COLEC10: variants seen among roughly 807,000 people sequenced by gnomAD.
COLEC10 encodes the protein collectin-10.
COLEC10 carries 22 observed loss-of-function variants against 28.4 expected under a neutral mutation model. The observed-to-expected ratio is 0.78, with a 90% CI of 0.55 to 1.11. COLEC10 has a LOEUF of 1.11. Among genes scored for constraint, COLEC10 ranks in the 50% least tolerant of loss-of-function variants. The pLI is 0.00. For synonymous variants in COLEC10, 125 were observed against 116.1 expected, an observed-to-expected ratio of 1.08 and a Z score of -0.49; for missense variants, 361 against 344.1, an observed-to-expected ratio of 1.05 and a Z score of -0.39.
At chr8:118,987,411 A>C in the COLEC10 span, among the ~76,000 whole-genome samples, 1 of 152,078 alleles carries the variant, frequency 6.6e-6, no homozygotes, top group Admixed American at 6.6e-5. Flanking sequence ...TGAAAACACA[A>C]ACATTAGCCA....
chr8:118,953,726 G>C, the COLEC10 span, among the ~76,000 whole-genome samples: 1 of 152,142 alleles, frequency 6.6e-6, no homozygotes, highest in Non-Finnish European at 1.5e-5. Flanking sequence ...TCAGCACAAT[G>C]CCTGGCCCAT....
intron 3 of COLEC10, among the ~76,000 whole-genome samples, chr8:119,098,413 T>G (rs917204446): frequency 2.0e-5 from 3 of 152,072 alleles, no homozygotes; most frequent in Admixed American, 6.6e-5. Context: ...TAATTCCTCC[T>G]TTAAGGCTCA....
At chr8:118,997,112 C>T (rs1446432856) in intron 1 of COLEC10, among the ~76,000 whole-genome samples, 1 of 152,162 alleles carries the variant, frequency 6.6e-6, no homozygotes. Flanking sequence ...CTATTTAAAT[C>T]CTTTGCCCAT....
At chr8:119,074,392 C>T (rs1217454439) in intron 1 of COLEC10, among the ~76,000 whole-genome samples, 2 of 151,700 alleles carry the variant, frequency 1.3e-5, no homozygotes, top group Non-Finnish European at 2.9e-5. Context: ...CTCATGCACC[C>T]CATAAATGTA....
chr8:119,062,539 G>A (rs1000474652), upstream of COLEC10, among the ~76,000 whole-genome samples: 4 of 151,908 alleles, frequency 2.6e-5, no homozygotes, highest in African/African-American at 7.3e-5. Context: ...CAGTGTAGTG[G>A]CATGATCTTG....
the COLEC10 span, among the ~76,000 whole-genome samples, chr8:118,989,325 G>C: frequency 3.1e-3 from 464 of 152,124 alleles, 16 homozygotes; most frequent in East Asian, 6.8e-3. Flanking sequence ...AATAAAGAAT[G>C]AACCAAACAG....
At chr8:119,066,143 A>G (rs559765213), upstream of COLEC10, among the ~76,000 whole-genome samples, 1 of 152,214 alleles carries the variant, frequency 6.6e-6, no homozygotes, top group Non-Finnish European at 1.5e-5. Flanking sequence ...GTCAGTCTGT[A>G]TCAGGATCTG....
the COLEC10 span, among the ~76,000 whole-genome samples, chr8:118,972,926 A>G: frequency 6.6e-6 from 1 of 151,970 alleles, no homozygotes; most frequent in South Asian, 2.1e-4. Flanking sequence ...TCTTCACATG[A>G]CAGCAGCAAG....
At chr8:118,992,895 T>G (rs1330173896), upstream of COLEC10, among the ~76,000 whole-genome samples, 1 of 152,196 alleles carries the variant, frequency 6.6e-6, no homozygotes, top group Non-Finnish European at 1.5e-5. Context: ...GTTTTCAGAA[T>G]GTCCCAGTAT....
intron 2 of COLEC10, among the ~76,000 whole-genome samples, chr8:119,015,107 T>G (rs1813967149): frequency 6.6e-6 from 1 of 151,132 alleles, no homozygotes; most frequent in South Asian, 2.1e-4. Context: ...AAAGTATGTT[T>G]TTGTCTTTTA....
intron 1 of COLEC10, among the ~76,000 whole-genome samples, chr8:119,007,386 A>G (rs939110247): frequency 2.1e-5 from 3 of 144,468 alleles, no homozygotes; most frequent in Non-Finnish European, 4.4e-5. Context: ...TGCTGGCACT[A>G]CATGACAAAT....
chr8:119,072,627 C>T (rs1422474503), intron 1 of COLEC10, among the ~76,000 whole-genome samples: 2 of 152,154 alleles, frequency 1.3e-5, no homozygotes, highest in Non-Finnish European at 2.9e-5. Flanking sequence ...AGAGAGGCCC[C>T]TACACAGTGT....
the COLEC10 span, among the ~76,000 whole-genome samples, chr8:118,974,478 C>T: frequency 6.6e-6 from 1 of 151,974 alleles, no homozygotes; most frequent in Non-Finnish European, 1.5e-5. Context: ...AGAATTCCTT[C>T]AAGGACATTC....
At chr8:119,012,285 T>C (rs1813912635) in intron 2 of COLEC10, among the ~76,000 whole-genome samples, 2 of 150,904 alleles carry the variant, frequency 1.3e-5, no homozygotes, top group South Asian at 4.1e-4. Flanking sequence ...AATTTTTGAA[T>C]GTTGAAACAG....
At chr8:118,982,120 G>A in the COLEC10 span, among the ~76,000 whole-genome samples, 1 of 152,092 alleles carries the variant, frequency 6.6e-6, no homozygotes, top group Non-Finnish European at 1.5e-5. Flanking sequence ...GGGGAAGCAA[G>A]TGTTCTGATT....
intron 2 of COLEC10, among the ~76,000 whole-genome samples, chr8:119,034,326 A>T (rs902905725): frequency 6.6e-6 from 1 of 150,530 alleles, no homozygotes; most frequent in Non-Finnish European, 1.5e-5. Flanking sequence ...CCACCATGGC[A>T]CATGTATACC....
upstream of COLEC10, among the ~76,000 whole-genome samples, chr8:118,993,126 G>A (rs1813530559): frequency 1.3e-5 from 2 of 152,246 alleles, no homozygotes; most frequent in South Asian, 2.1e-4. Context: ...TTGTTTATAA[G>A]AGCTGGTTAC....
At chr8:119,038,188 A>G (rs1350804848) in intron 2 of COLEC10, among the ~76,000 whole-genome samples, 4 of 152,230 alleles carry the variant, frequency 2.6e-5, no homozygotes, top group African/African-American at 9.6e-5. Flanking sequence ...TATGAGATCA[A>G]CCTGGGCTCA....
At chr8:119,030,691 G>A (rs1814272302) in intron 2 of COLEC10, among the ~76,000 whole-genome samples, 1 of 152,186 alleles carries the variant, frequency 6.6e-6, no homozygotes, top group African/African-American at 2.4e-5. Context: ...AATGCATGCA[G>A]TGAGCTTAGA....
Sources: allele counts gnomAD v4.1 joint callset (sites outside exome capture counted in the v4.1 genomes callset), GRCh38; gene constraint gnomAD v4.1.1; transcripts MANE v1.5; gene names NCBI Gene and HGNC (gene_info 2026-07-23, HGNC 2026-07-21).